Variants in ZBTB7C observed in about 807,000 individuals in gnomAD.
The protein encoded by ZBTB7C is zinc finger and BTB domain-containing protein 7C.
Under a neutral mutation model 25.7 loss-of-function variants are expected in ZBTB7C, and 8 were observed. The observed-to-expected ratio is 0.31, with a 90% CI of 0.18 to 0.56. The LOEUF (loss-of-function observed/expected upper bound fraction) is 0.56, where lower values mean the gene tolerates loss of function less well. ZBTB7C is among the 20% of genes least tolerant of loss of function. The pLI is 0.91. For missense variants in ZBTB7C, 824 were observed against 855.2 expected, an observed-to-expected ratio of 0.96 and a Z score of 0.46; for synonymous variants, 394 against 369.0, an observed-to-expected ratio of 1.07 and a Z score of -0.78.
At chr18:48,042,308 A>T (rs905902990) in intron 3 of ZBTB7C, among the ~76,000 whole-genome samples, 2 of 152,242 alleles carry the variant, frequency 1.3e-5, no homozygotes, top group African/African-American at 4.8e-5. Context: ...CAACAACAAC[A>T]ATAAAATAAG....
At chr18:48,349,435 CTATAA>C (rs1417648127) in intron 1 of ZBTB7C, among the ~76,000 whole-genome samples, 1 of 152,096 alleles carries the variant, frequency 6.6e-6, no homozygotes, top group Non-Finnish European at 1.5e-5. Flanking sequence ...TAGGGAGTCC[CTATAA>C]TATGTTCTGT....
chr18:48,133,378 G>A (rs1390692196), intron 3 of ZBTB7C, among the ~76,000 whole-genome samples: 2 of 152,238 alleles, frequency 1.3e-5, no homozygotes, highest in African/African-American at 4.8e-5. Context: ...AAGAGAGCAA[G>A]CATTTCTATT....
At chr18:48,268,117 G>A (rs1267530652) in intron 2 of ZBTB7C, among the ~76,000 whole-genome samples, 6 of 152,208 alleles carry the variant, frequency 3.9e-5, no homozygotes, top group Non-Finnish European at 2.9e-5. Flanking sequence ...ATGAGAACAA[G>A]TTTGAGGTGA....
At chr18:48,154,219 CAGG>C (rs1267235397) in intron 3 of ZBTB7C, among the ~76,000 whole-genome samples, 2 of 152,086 alleles carry the variant, frequency 1.3e-5, no homozygotes, top group Non-Finnish European at 2.9e-5. Context: ...TCTGAATGGC[CAGG>C]AGGTCAATCA....
chr18:48,072,593 C>T (rs1029124298), intron 3 of ZBTB7C: 11 of 152,172 alleles, frequency 7.2e-5, no homozygotes, highest in African/African-American at 2.7e-4. Context: ...GCGCTTGCAA[C>T]AAGCAAACAA....
chr18:48,380,281 G>T (rs1406677166), intron 1 of ZBTB7C, among the ~76,000 whole-genome samples: 1 of 152,140 alleles, frequency 6.6e-6, no homozygotes, highest in Non-Finnish European at 1.5e-5. Context: ...TTCCCATGAG[G>T]ATATAGGTTA....
At chr18:48,161,823 C>T (rs906213052) in intron 3 of ZBTB7C, among the ~76,000 whole-genome samples, 15 of 151,704 alleles carry the variant, frequency 9.9e-5, no homozygotes, top group African/African-American at 3.4e-4. Flanking sequence ...CTCTCTCCTC[C>T]TGCGGGAGCC....
At chr18:48,167,595 T>C (rs868161128) in intron 3 of ZBTB7C, among the ~76,000 whole-genome samples, 11 of 150,186 alleles carry the variant, frequency 7.3e-5, no homozygotes, top group African/African-American at 2.2e-4. Context: ...TGTGTGTGTG[T>C]GTGCGCGCGT....
In ZBTB7C at chr18:48,262,829, C is replaced by T. The variant is rs552628091; in HGVS notation, c.-79+75345G>A. 1.6e-3 allele frequency among the ~76,000 whole-genome samples: 245 copies of T among 152,256 alleles called. No individual in the cohort carries two copies. In the Middle Eastern group the frequency reaches 0.017, roughly 11 times the overall value. ...ACCAAGACCAGCCTACAGAGCATGC[C>T]CCAGACCAGTTATAGAGCCTGACAG... On this transcript the variant is annotated intron_variant, in intron 2 of 4. Coordinates refer to ENST00000590800, the MANE Select transcript of ZBTB7C (RefSeq NM_001318841.2).
intron 1 of ZBTB7C, among the ~76,000 whole-genome samples, chr18:48,404,081 C>G (rs34900701): frequency 2.0e-5 from 3 of 152,068 alleles, no homozygotes; most frequent in African/African-American, 7.2e-5. Flanking sequence ...GGTAAAACCC[C>G]GTCTCTACTA....
intron 3 of ZBTB7C, among the ~76,000 whole-genome samples, chr18:48,098,674 G>T (rs2144598233): frequency 6.6e-6 from 1 of 152,348 alleles, no homozygotes; most frequent in South Asian, 2.1e-4. Context: ...TTCCTGGGAT[G>T]AAGCCTGTGA....
At chr18:48,199,906 A>G (rs1339310794) in intron 2 of ZBTB7C, among the ~76,000 whole-genome samples, 1 of 152,202 alleles carries the variant, frequency 6.6e-6, no homozygotes, top group East Asian at 1.9e-4. Context: ...CTATACTCAA[A>G]ATGAAAGAAG....
At chr18:48,152,804 T>C (rs926530985) in intron 3 of ZBTB7C, among the ~76,000 whole-genome samples, 4 of 152,270 alleles carry the variant, frequency 2.6e-5, no homozygotes, top group East Asian at 1.9e-4. Context: ...TGAGCCCTTA[T>C]TGAGCACTTA....
chr18:48,341,949 T>C (rs935769581), intron 1 of ZBTB7C, among the ~76,000 whole-genome samples: 5 of 152,052 alleles, frequency 3.3e-5, no homozygotes, highest in African/African-American at 1.2e-4. Flanking sequence ...GAATGCATGA[T>C]GTAGAAAGGA....
intron 2 of ZBTB7C, among the ~76,000 whole-genome samples, chr18:48,247,295 A>G (rs533796079): frequency 6.6e-6 from 1 of 152,330 alleles, no homozygotes; most frequent in African/African-American, 2.4e-5. Flanking sequence ...ATTATTTAAC[A>G]TTGTCTGGAA....
intron 1 of ZBTB7C, among the ~76,000 whole-genome samples, chr18:48,385,328 C>G (rs1463435853): frequency 2.0e-5 from 3 of 152,182 alleles, no homozygotes; most frequent in Non-Finnish European, 2.9e-5. Flanking sequence ...AATCACAGTA[C>G]CTACAATGTC....
chr18:48,275,400 A>T (rs1237271631), intron 2 of ZBTB7C, among the ~76,000 whole-genome samples: 1 of 152,176 alleles, frequency 6.6e-6, no homozygotes, highest in African/African-American at 2.4e-5. Context: ...CTCAGAGATC[A>T]TTTGTTACAT....
intron 2 of ZBTB7C, among the ~76,000 whole-genome samples, chr18:48,307,024 C>T (rs1200435015): frequency 1.3e-5 from 2 of 152,186 alleles, no homozygotes; most frequent in African/African-American, 4.8e-5. Flanking sequence ...CCACTCCACC[C>T]TCCTAAGGAA....
chr18:48,401,598 T>C lies in ZBTB7C; in HGVS notation c.-304+7628A>G, dbSNP rs546592142. On this transcript the variant is annotated intron_variant, in intron 1 of 4. Coordinates refer to ENST00000590800, the MANE Select transcript of ZBTB7C (RefSeq NM_001318841.2). Reference sequence around the variant, plus strand: ...CCATCTGCAGTATGGGGATGGTATCTGCCTGGAGGCAGGGAGGGGCCTCAG... The same window carrying C: ...CCATCTGCAGTATGGGGATGGTATCCGCCTGGAGGCAGGGAGGGGCCTCAG... 9.8e-5 allele frequency among the ~76,000 whole-genome samples: 15 copies of C among 152,304 alleles called. No individual in the cohort carries two copies. In the East Asian group the frequency reaches 2.9e-3, roughly 29 times the overall value.
Sources: gnomAD v4.1 joint callset for allele counts (sites outside exome capture counted in the v4.1 genomes callset) on GRCh38, gnomAD v4.1.1 for gene constraint, MANE v1.5 for transcripts, NCBI Gene and HGNC (gene_info 2026-07-23, HGNC 2026-07-21) for gene names.